SLC22A25: variants seen among roughly 807,000 people sequenced by gnomAD.
SLC22A25 encodes the protein MGI:2442751, MGI:2385316, MGI:3042283, MGI:3645714, MGI:3605624, MGI:2442750.
In SLC22A25, 44 loss-of-function variants were observed where a neutral mutation model predicts 45.9. The ratio of observed to expected loss-of-function variants is 0.96; its 90% confidence interval spans 0.75 to 1.23. The LOEUF (loss-of-function observed/expected upper bound fraction) is 1.23. Among genes scored for constraint, SLC22A25 ranks in the 50% most tolerant of loss-of-function variants. The pLI, the probability that SLC22A25 is intolerant of heterozygous loss-of-function variation, is 0.00. For synonymous variants in SLC22A25, 283 were observed against 238.6 expected, an observed-to-expected ratio of 1.19 and a Z score of -1.72; for missense variants, 800 against 666.4, an observed-to-expected ratio of 1.20 and a Z score of -2.21.
At chr11:63,174,469 G>A (rs529744542) in intron 9 of SLC22A25, among the ~76,000 whole-genome samples, 2 of 152,160 alleles carry the variant, frequency 1.3e-5, no homozygotes, top group South Asian at 4.2e-4. Context: ...AACCTTCCTA[G>A]TTATGGTTTG....
At chr11:63,205,967 A>C (rs780328485) in intron 7 of SLC22A25, among the ~76,000 whole-genome samples, 36 of 152,204 alleles carry the variant, frequency 2.4e-4, no homozygotes, top group Non-Finnish European at 3.7e-4. Context: ...AGTCAGCTTC[A>C]TCCCTGGGAT....
chr11:63,229,610 TC>T lies in SLC22A25; in HGVS notation c.42del (p.Arg15AspfsTer11), dbSNP rs1403124215. ...AAAACCATCTGAAGGATCTGGAATC[TC>T]CCCAGGCCTCCAACTTGATCTAGGA... ...QDLLDQVGGLGRFQILQMVFL... is the reference protein window; with the variant it reads ...QDLLDQVGGLXRFQILQMVFL... On this transcript the variant is annotated frameshift_variant, in exon 4 of 12. Transcript: ENST00000306494. LOFTEE classifies it high-confidence loss of function. 6.2e-7 allele frequency: 1 copy of T among 1,610,760 alleles called. No homozygotes were observed. Among genetic ancestry groups the T allele is most frequent in the African/African-American group, 1.3e-5 (1 of 74,860 alleles).
chr11:63,202,349 G>A (rs982261728), intron 7 of SLC22A25, among the ~76,000 whole-genome samples: 1 of 152,098 alleles, frequency 6.6e-6, no homozygotes, highest in Non-Finnish European at 1.5e-5. Context: ...GAGTTAAGTG[G>A]TCTAGCTCAG....
chr11:63,171,803 C>A lies in SLC22A25; in HGVS notation c.1071-5545G>T, dbSNP rs2087897215. 2.0e-5 allele frequency among the ~76,000 whole-genome samples: 3 copies of A among 152,282 alleles called. No homozygotes were observed. In the South Asian group the frequency reaches 6.2e-4, roughly 32 times the overall value. ...ACTTTTTTTGCAGAACTAGAAAAAA[C>A]TACTTTAAATTTCACATGGATTTTA... On this transcript the variant is annotated intron_variant, in intron 9 of 11. Transcript: ENST00000306494.
intron 3 of SLC22A25, among the ~76,000 whole-genome samples, chr11:63,233,280 G>A (rs2090103645): frequency 1.3e-5 from 2 of 152,124 alleles, no homozygotes; most frequent in Non-Finnish European, 2.9e-5. Flanking sequence ...TATTTTGGTT[G>A]GTAAGCTATA....
chr11:63,226,420 G>C (rs1031006147), intron 5 of SLC22A25, among the ~76,000 whole-genome samples: 1 of 152,194 alleles, frequency 6.6e-6, no homozygotes, highest in African/African-American at 2.4e-5. Flanking sequence ...GGTGGTCTTG[G>C]ATAAGATCTG....
At chr11:63,177,983 C>G (rs546341041) in intron 9 of SLC22A25, among the ~76,000 whole-genome samples, 2 of 150,562 alleles carry the variant, frequency 1.3e-5, no homozygotes, top group African/African-American at 4.9e-5. Flanking sequence ...TCAAGCTATC[C>G]TCCCATCTCA....
intron 1 of SLC22A25, chr11:63,243,114 G>C: frequency 6.0e-6 from 1 of 167,812 alleles, no homozygotes; most frequent in South Asian, 1.6e-4. Flanking sequence ...AGGTAGACCC[G>C]GTCCTCAGAG....
chr11:63,178,967 T>C (rs1048660411), intron 9 of SLC22A25, among the ~76,000 whole-genome samples: 2 of 53,850 alleles, frequency 3.7e-5, no homozygotes, highest in Non-Finnish European at 7.6e-5. Context: ...AAGTCTGTAA[T>C]TTTTTTTTTT....
At chr11:63,216,493 C>T (rs973188849) in intron 7 of SLC22A25, among the ~76,000 whole-genome samples, 2 of 152,156 alleles carry the variant, frequency 1.3e-5, no homozygotes, top group African/African-American at 4.8e-5. Context: ...CAGTGATAGA[C>T]TGGACCAAGA....
At chr11:63,164,161 G>A (rs2087599500) in intron 11 of SLC22A25, 88 bp from the exon 12 acceptor site, 2 of 1,469,886 alleles carry the variant, frequency 1.4e-6, no homozygotes, top group Non-Finnish European at 1.8e-6. Context: ...TTATGGATGA[G>A]CACTTAAACA....
rs986779897 is a variant in SLC22A25 at position 63,160,377 on chromosome 11, C to T, written c.*3447G>A. 6.6e-6 allele frequency among the ~76,000 whole-genome samples: 1 copy of T among 152,226 alleles called. No individual in the cohort carries two copies. Among genetic ancestry groups the T allele is most frequent in the Admixed American group, 6.5e-5 (1 of 15,288 alleles). On this transcript the variant is annotated 3_prime_UTR_variant, in exon 12 of 12. Transcript: ENST00000306494. Reference sequence around the variant, plus strand: ...GATCAGGCTGTGGCTTCAGAGGGTGCAAGCCCCAAGCCTTGACAGCTTCCA... The same window carrying T: ...GATCAGGCTGTGGCTTCAGAGGGTGTAAGCCCCAAGCCTTGACAGCTTCCA...
chr11:63,197,708 G>T (rs547277136), intron 7 of SLC22A25, among the ~76,000 whole-genome samples: 3 of 152,234 alleles, frequency 2.0e-5, no homozygotes, highest in Admixed American at 2.0e-4. Context: ...GGCAACAAAA[G>T]CCATAATTGA....
At chr11:63,191,269 G>A (rs548564386) in intron 7 of SLC22A25, among the ~76,000 whole-genome samples, 18 of 152,252 alleles carry the variant, frequency 1.2e-4, no homozygotes, top group South Asian at 2.1e-4. Flanking sequence ...CCCCAGCCTC[G>A]CTGCCACCTT....
At position 63,238,916 on chromosome 11, in the gene SLC22A25, T is replaced by A. The variant is rs1381421537; in HGVS notation, c.-776A>T. On this transcript the variant is annotated 5_prime_UTR_variant, in exon 2 of 12. Coordinates refer to ENST00000306494, the MANE Select transcript of SLC22A25 (RefSeq NM_199352.6). Reference sequence around the variant, plus strand: ...GAGATTCTCAGGAGGGCATCTTGGCTGAGGATCACAGTTTCTTCGTCCAAG... The same window carrying A: ...GAGATTCTCAGGAGGGCATCTTGGCAGAGGATCACAGTTTCTTCGTCCAAG... The A allele has an allele frequency of 1.8e-5, 4 of 216,394 alleles. No individual in the cohort carries two copies. Among genetic ancestry groups the A allele is most frequent in the Non-Finnish European group, 4.1e-5 (4 of 97,296 alleles). The allele number at this position is 216,394 out of a possible 1,614,324, so 13.4% of individuals were successfully genotyped here. A position where few individuals can be genotyped will look rare whatever the true frequency, so the allele number is the denominator to read the frequency against.
At chr11:63,236,139 G>A (rs553806806) in intron 3 of SLC22A25, among the ~76,000 whole-genome samples, 44 of 152,292 alleles carry the variant, frequency 2.9e-4, no homozygotes, top group Non-Finnish European at 4.3e-4. Flanking sequence ...CTCAAGCTGC[G>A]TGCTGGGAGA....
intron 5 of SLC22A25, among the ~76,000 whole-genome samples, chr11:63,223,131 A>G (rs2089888557): frequency 6.6e-6 from 1 of 151,934 alleles, no homozygotes; most frequent in African/African-American, 2.4e-5. Context: ...TCTGTGTAAT[A>G]CTAACCTTGT....
chr11:63,191,506 T>TA (rs1178900003), intron 7 of SLC22A25, among the ~76,000 whole-genome samples: 3 of 152,160 alleles, frequency 2.0e-5, no homozygotes, highest in Admixed American at 6.5e-5. Flanking sequence ...GGTGAGGCAA[T>TA]GCCTCACCCT....
intron 9 of SLC22A25, among the ~76,000 whole-genome samples, chr11:63,170,611 C>G (rs973910592): frequency 6.6e-5 from 10 of 152,040 alleles, no homozygotes; most frequent in East Asian, 1.9e-4. Context: ...CAAGACTAAA[C>G]CAGGAAGAAG....
Sources: allele counts gnomAD v4.1 joint callset (sites outside exome capture counted in the v4.1 genomes callset), GRCh38; gene constraint gnomAD v4.1.1; transcripts MANE v1.5; gene names NCBI Gene and HGNC (gene_info 2026-07-23, HGNC 2026-07-21).